Variants in TMTC3 observed in about 807,000 individuals in gnomAD.
The protein encoded by TMTC3 is transmembrane O-mannosyltransferase targeting cadherins 3, also known as protein O-mannosyl-transferase TMTC3.
A neutral mutation model predicts 92.2 loss-of-function variants in TMTC3; 52 were observed. The observed-to-expected ratio is 0.56, with a 90% CI of 0.45 to 0.71. The LOEUF is 0.71. Ranked by LOEUF, TMTC3 falls within the 30% of genes least tolerant of loss-of-function variation. TMTC3 has a pLI of 0.00. For missense variants in TMTC3, 896 were observed against 1,057.1 expected (o/e 0.85, Z 2.11); for synonymous variants, 339 against 363.3 (o/e 0.93, Z 0.76).
chr12:88,192,902 T>C, intron 13 of TMTC3, 72 bp downstream of exon 13: 1 of 1,263,942 alleles, frequency 7.9e-7, no homozygotes, highest in Non-Finnish European at 1.1e-6. Context: ...AATTTAACTT[T>C]ATTACCCATA....
intron 4 of TMTC3, among the ~76,000 whole-genome samples, chr12:88,159,152 T>C (rs965676093): frequency 6.6e-6 from 1 of 151,746 alleles, no homozygotes; most frequent in Non-Finnish European, 1.5e-5. Context: ...TTAGAGATTA[T>C]AGTTTTTCAT....
intron 10 of TMTC3, among the ~76,000 whole-genome samples, chr12:88,178,530 A>G (rs2041283503): frequency 1.3e-5 from 2 of 151,896 alleles, no homozygotes; most frequent in Admixed American, 6.6e-5. Context: ...ATTTAGTGCT[A>G]TATTTTATTT....
chr12:88,194,787 C>A, intron 13 of TMTC3, 51 bp from the exon 14 acceptor site: 2 of 1,192,238 alleles, frequency 1.7e-6, no homozygotes, highest in Admixed American at 2.9e-5. Flanking sequence ...TTGTTCCTCA[C>A]ATTTAATTAT....
At chr12:88,178,810 C>T (rs2041286602) in intron 10 of TMTC3, among the ~76,000 whole-genome samples, 1 of 152,166 alleles carries the variant, frequency 6.6e-6, no homozygotes, top group Admixed American at 6.5e-5. Flanking sequence ...GTTACTTAGG[C>T]CCCTCAGACT....
In TMTC3 at chr12:88,166,531, G is replaced by T. The variant is rs1219810685; in HGVS notation, c.999G>T (p.Leu333Phe). The stretch of plus-strand genomic sequence containing the variant: ...CTTTCTTTTGTTTTCTGGGGATGTT[G>T]GGAGTATTCAGTATCAGATACTCTG... ...TFTFFCFLGM[L>F]GVFSIRYSGD... The change falls in exon 7 of 14, where the codon TTG (leucine) becomes TTT (phenylalanine). Residue 333 changes from leucine (L) to phenylalanine (F), a missense_variant. Transcript: ENST00000266712. The T allele has an allele frequency of 5.0e-6, 8 of 1,613,594 alleles. No individual in the cohort carries two copies. The highest frequency in any genetic ancestry group is 5.9e-6 in the Non-Finnish European group (7 of 1,179,910).
intron 7 of TMTC3, among the ~76,000 whole-genome samples, chr12:88,168,690 G>C (rs781782551): frequency 6.6e-6 from 1 of 152,134 alleles, no homozygotes; most frequent in Non-Finnish European, 1.5e-5. Context: ...TAGTTAAGTG[G>C]GCTACTTGAT....
chr12:88,152,363 G>A (rs2040953442), intron 2 of TMTC3, among the ~76,000 whole-genome samples: 1 of 151,892 alleles, frequency 6.6e-6, no homozygotes, highest in Non-Finnish European at 1.5e-5. Context: ...ATTACAGTGG[G>A]GAAGACACCA....
chr12:88,176,728 T>A (rs557169409), intron 10 of TMTC3, among the ~76,000 whole-genome samples: 8 of 152,280 alleles, frequency 5.3e-5, no homozygotes, highest in South Asian at 4.1e-4. Flanking sequence ...TGAGCTATGA[T>A]CACATGATTA....
chr12:88,153,602 A>T, intron 3 of TMTC3, 93 bp downstream of exon 3: 5 of 645,042 alleles, frequency 7.8e-6, no homozygotes, highest in Non-Finnish European at 1.2e-5. Context: ...AGAAAAAAAA[A>T]AATTAACCCT....
rs1294819284 is a variant in TMTC3 at position 88,159,991 on chromosome 12, T to C, written c.509-123T>C. On this transcript the variant is annotated intron_variant, in intron 4 of 13. Transcript: ENST00000266712. ...TTAAATTTAAGTATATTTTAAAGTA[T>C]GTACTACTAATTAATGAGAAATAGC... 5.6e-5 allele frequency: 31 copies of C among 550,928 alleles called. No individual in the cohort carries two copies. The Admixed American group carries it at 1.0e-3, about 18-fold the overall frequency. 34.1% of individuals were successfully genotyped at this position (550,928 alleles called of 1,614,324 possible). A position where few individuals can be genotyped will look rare whatever the true frequency, so the allele number is the denominator to read the frequency against.
intron 7 of TMTC3, among the ~76,000 whole-genome samples, chr12:88,171,211 T>C (rs1472971003): frequency 6.6e-6 from 1 of 152,162 alleles, no homozygotes; most frequent in East Asian, 1.9e-4. Context: ...TAATCAGCAT[T>C]TGTGGTTTTG....
intron 1 of TMTC3, among the ~76,000 whole-genome samples, chr12:88,144,710 T>A (rs2040851229): frequency 6.6e-6 from 1 of 152,196 alleles, no homozygotes; most frequent in Non-Finnish European, 1.5e-5. Flanking sequence ...TTTTATCCTG[T>A]TTCCTGTGCT....
chr12:88,192,553 A>C (rs773237588), intron 12 of TMTC3, 51 bp from the exon 13 acceptor site: 1 of 1,431,642 alleles, frequency 7.0e-7, no homozygotes, highest in South Asian at 1.2e-5. Flanking sequence ...TTGTATCTAC[A>C]AACTGAGATG....
At chr12:88,170,832 G>T (rs763672956) in intron 7 of TMTC3, among the ~76,000 whole-genome samples, 5 of 152,120 alleles carry the variant, frequency 3.3e-5, no homozygotes, top group Non-Finnish European at 7.4e-5. Flanking sequence ...TCCTTCACAA[G>T]CTATTTATGT....
rs2040968854 is a variant in TMTC3 at position 88,153,507 on chromosome 12, G to A, written c.406G>A (p.Ala136Thr). ...LFAVHPIHTEAVTGVVGRAEL... is the reference protein window; with the variant it reads ...LFAVHPIHTETVTGVVGRAEL... Reference sequence around the variant, plus strand: ...TGCAGTGCACCCAATACACACAGAAGCAGTAAGTAAAACTATGAACTGACT... The same window carrying A: ...TGCAGTGCACCCAATACACACAGAAACAGTAAGTAAAACTATGAACTGACT... Residue 136 changes from alanine to threonine, a missense_variant and splice_region_variant, in exon 3 of 14, where the codon GCA becomes ACA. Transcript: ENST00000266712. 2 of 1,583,940 alleles carry A rather than the reference G, an allele frequency of 1.3e-6. No individual in the cohort carries two copies. Among genetic ancestry groups the A allele is most frequent in the Non-Finnish European group, 1.7e-6 (2 of 1,157,484 alleles).
At chr12:88,154,942 TGTGGGCACA>T (rs1274265052) in intron 4 of TMTC3, among the ~76,000 whole-genome samples, 2 of 152,072 alleles carry the variant, frequency 1.3e-5, no homozygotes, top group Non-Finnish European at 1.5e-5. Flanking sequence ...TTTTTTCAAG[TGTGGGCACA>T]GTGGGCACAA....
intron 1 of TMTC3, among the ~76,000 whole-genome samples, chr12:88,145,561 A>C (rs993409581): frequency 6.6e-6 from 1 of 152,204 alleles, no homozygotes; most frequent in Non-Finnish European, 1.5e-5. Flanking sequence ...TCACAGAAAC[A>C]GTCTGTAGTC....
intron 6 of TMTC3, among the ~76,000 whole-genome samples, chr12:88,162,109 G>A (rs909566125): frequency 6.6e-6 from 1 of 151,924 alleles, no homozygotes; most frequent in African/African-American, 2.4e-5. Context: ...CCTTCTCTGG[G>A]TGGAGAATTC....
Position 88,195,958 on chromosome 12 carries a change from A to G in TMTC3, c.*309A>G, listed in dbSNP as rs1592755525. ...TCTTTACTGCTCTCAATTAAAAATAATTTTGAGGCCTGAATGATAATCCCT... is the reference window on the plus strand; with the variant it reads ...TCTTTACTGCTCTCAATTAAAAATAGTTTTGAGGCCTGAATGATAATCCCT... On this transcript the variant is annotated 3_prime_UTR_variant, in exon 14 of 14. Transcript: ENST00000266712. The G allele has an allele frequency of 1.0e-5, 2 of 194,650 alleles. No individual in the cohort carries two copies. Among genetic ancestry groups the G allele is most frequent in the African/African-American group, 2.3e-5 (1 of 42,926 alleles). 12.1% of individuals were successfully genotyped at this position (194,650 alleles called of 1,614,324 possible).
Sources: gnomAD v4.1 joint callset for allele counts (sites outside exome capture counted in the v4.1 genomes callset) on GRCh38, gnomAD v4.1.1 for gene constraint, MANE v1.5 for transcripts, NCBI Gene and HGNC (gene_info 2026-07-23, HGNC 2026-07-21) for gene names.